Variants in CDKAL1 observed in about 807,000 individuals in gnomAD.
CDKAL1 encodes threonylcarbamoyladenosine tRNA methylthiotransferase.
CDKAL1 carries 32 observed loss-of-function variants against 68.2 expected under a neutral mutation model. The observed-to-expected ratio is 0.47, with a 90% CI of 0.35 to 0.63. The LOEUF (loss-of-function observed/expected upper bound fraction) is 0.63. Ranked by LOEUF, CDKAL1 falls within the 30% of genes least tolerant of loss-of-function variation. The pLI is 0.00. For synonymous variants in CDKAL1, 234 were observed against 244.3 expected (o/e 0.96, Z 0.39); for missense variants, 606 against 696.7 (o/e 0.87, Z 1.47).
chr6:20,755,089 T>C (rs1477137374), intron 6 of CDKAL1, among the ~76,000 whole-genome samples: 1 of 152,220 alleles, frequency 6.6e-6, no homozygotes, highest in African/African-American at 2.4e-5. Flanking sequence ...TTCTTTATGG[T>C]TTCATCATGG....
rs770484425 is a variant in CDKAL1, at chr6:21,201,137, A to C, written c.1411A>C (p.Met471Leu). 2 of 1,613,516 alleles carry C rather than the reference A, an allele frequency of 1.2e-6. No individual in the cohort carries two copies. The highest frequency in any genetic ancestry group is 1.7e-6 in the Non-Finnish European group (2 of 1,179,540). ...QVLVPKNPAFMGKMVEVDIYE... is the reference protein window; with the variant it reads ...QVLVPKNPAFLGKMVEVDIYE... ...TTTAGTGCCAAAGAACCCTGCGTTC[A>C]TGGGGAAGATGGTTGAAGTGGACAT... Residue 471 changes from methionine to leucine, a missense_variant, in exon 15 of 16, where the codon ATG (methionine) becomes CTG (leucine). Transcript: ENST00000274695.
chr6:20,778,131 T>G lies in CDKAL1; in HGVS notation c.518-3014T>G, dbSNP rs76162490. On this transcript the variant is annotated intron_variant, in intron 7 of 15. Coordinates refer to ENST00000274695, the MANE Select transcript of CDKAL1 (RefSeq NM_017774.3). ...CTTAGGCCTTCACTGTACATAAAAA[T>G]AAAGTGAATTCTAGACATAAATATA... Among the ~76,000 whole-genome samples, 554 of 152,122 alleles carry G rather than the reference T, an allele frequency of 3.6e-3. 6 individuals are homozygous for G. Among genetic ancestry groups the G allele is most frequent in the African/African-American group, 0.012 (507 of 41,518 alleles).
chr6:20,686,928 T>G (rs1770654955), intron 5 of CDKAL1, among the ~76,000 whole-genome samples: 1 of 152,226 alleles, frequency 6.6e-6, no homozygotes, highest in South Asian at 2.1e-4. Flanking sequence ...TGTCAATAGA[T>G]GCAGAAAAAT....
intron 9 of CDKAL1, among the ~76,000 whole-genome samples, chr6:20,851,127 A>G (rs557005078): frequency 7.2e-5 from 11 of 152,024 alleles, no homozygotes; most frequent in Non-Finnish European, 1.5e-4. Context: ...TTTACCAGGT[A>G]ATTTCTGGGT....
chr6:20,874,287 A>C (rs1332121627), intron 9 of CDKAL1, among the ~76,000 whole-genome samples: 1 of 139,174 alleles, frequency 7.2e-6, no homozygotes, highest in East Asian at 2.1e-4. Flanking sequence ...AGGAAATAGC[A>C]AGTTTTTTTG....
chr6:20,966,716 G>C (rs1284828578), intron 10 of CDKAL1, among the ~76,000 whole-genome samples: 3 of 152,088 alleles, frequency 2.0e-5, no homozygotes, highest in Non-Finnish European at 4.4e-5. Flanking sequence ...TAAAAAAGTA[G>C]TCTTCATAGT....
intron 15 of CDKAL1, among the ~76,000 whole-genome samples, chr6:21,225,240 G>A (rs1779697804): frequency 6.6e-6 from 1 of 152,162 alleles, no homozygotes; most frequent in Non-Finnish European, 1.5e-5. Context: ...TCCTGTCTTA[G>A]TTGAGGCCTG....
At chr6:21,086,351 G>T (rs184772126) in intron 12 of CDKAL1, among the ~76,000 whole-genome samples, 1 of 152,238 alleles carries the variant, frequency 6.6e-6, no homozygotes, top group Non-Finnish European at 1.5e-5. Flanking sequence ...TTAAAATATA[G>T]ACTCCTCAAT....
intron 13 of CDKAL1, among the ~76,000 whole-genome samples, chr6:21,144,523 C>T (rs1018307754): frequency 4.6e-5 from 7 of 151,668 alleles, no homozygotes; most frequent in Admixed American, 2.6e-4. Context: ...TGGTGGCCCA[C>T]GTATGTAATC....
chr6:21,169,824 G>GGT (rs1777301435), intron 13 of CDKAL1, among the ~76,000 whole-genome samples: 1 of 152,118 alleles, frequency 6.6e-6, no homozygotes, highest in Non-Finnish European at 1.5e-5. Flanking sequence ...CATCTTGCAT[G>GGT]GTAGCAGGCA....
At chr6:20,999,086 G>T (rs1220241397) in intron 10 of CDKAL1, among the ~76,000 whole-genome samples, 2 of 152,110 alleles carry the variant, frequency 1.3e-5, no homozygotes, top group Admixed American at 6.6e-5. Context: ...ATGAAATGAG[G>T]TAACAGATGT....
intron 11 of CDKAL1, among the ~76,000 whole-genome samples, chr6:21,047,187 A>G (rs1770287487): frequency 6.6e-6 from 1 of 151,922 alleles, no homozygotes; most frequent in African/African-American, 2.4e-5. Flanking sequence ...AGTAGCTAGG[A>G]CTACAGGTGT....
At chr6:20,863,531 A>G (rs1200312137) in intron 9 of CDKAL1, among the ~76,000 whole-genome samples, 2 of 152,204 alleles carry the variant, frequency 1.3e-5, no homozygotes, top group Non-Finnish European at 2.9e-5. Context: ...TGGAAACTTC[A>G]TCTTTTGCCT....
intron 13 of CDKAL1, among the ~76,000 whole-genome samples, chr6:21,191,717 C>T (rs1334833170): frequency 6.7e-6 from 1 of 149,884 alleles, no homozygotes; most frequent in Non-Finnish European, 1.5e-5. Flanking sequence ...CTTTGTCTGT[C>T]TAGGGGAATA....
At chr6:20,690,601 T>C (rs1374311914) in intron 5 of CDKAL1, among the ~76,000 whole-genome samples, 1 of 152,188 alleles carries the variant, frequency 6.6e-6, no homozygotes, top group Non-Finnish European at 1.5e-5. Flanking sequence ...CAGCTCATTG[T>C]TTTAATATAT....
chr6:20,702,451 G>A (rs1771409034), intron 5 of CDKAL1, among the ~76,000 whole-genome samples: 1 of 152,202 alleles, frequency 6.6e-6, no homozygotes, highest in Non-Finnish European at 1.5e-5. Flanking sequence ...TCACACCTGG[G>A]CTTGGGGAAT....
At chr6:21,089,375 G>A (rs924482376) in intron 12 of CDKAL1, among the ~76,000 whole-genome samples, 7 of 152,102 alleles carry the variant, frequency 4.6e-5, no homozygotes, top group Non-Finnish European at 8.8e-5. Context: ...TACTCAGGAG[G>A]CTGAGGCAGG....
At chr6:20,684,027 C>T (rs914224962) in intron 5 of CDKAL1, among the ~76,000 whole-genome samples, 2 of 152,078 alleles carry the variant, frequency 1.3e-5, no homozygotes, top group Admixed American at 6.5e-5. Flanking sequence ...TATATCTTTT[C>T]GCGTCTTGAT....
chr6:20,891,300 C>G lies in CDKAL1; in HGVS notation c.742+45122C>G, dbSNP rs1364134975. Reference sequence around the variant, plus strand: ...ACTCTCTAGCACTAGTGGTCTTGAACTGAGTAAGAGTTGGAAGGCTCTGGC... The same window carrying G: ...ACTCTCTAGCACTAGTGGTCTTGAAGTGAGTAAGAGTTGGAAGGCTCTGGC... On this transcript the variant is annotated intron_variant, in intron 9 of 15. Transcript: ENST00000274695. Among the ~76,000 whole-genome samples, 4 of 152,260 alleles carry G rather than the reference C, an allele frequency of 2.6e-5. No homozygotes were observed. The East Asian group carries it at 7.7e-4, about 29-fold the overall frequency.
Sources: gnomAD v4.1 joint callset for allele counts (sites outside exome capture counted in the v4.1 genomes callset) on GRCh38, gnomAD v4.1.1 for gene constraint, MANE v1.5 for transcripts, NCBI Gene and HGNC (gene_info 2026-07-23, HGNC 2026-07-21) for gene names.